Variants in TET3 observed in about 807,000 individuals in gnomAD.
TET3 encodes the protein methylcytosine dioxygenase TET3.
In TET3, 19 loss-of-function variants were observed where a neutral mutation model predicts 141.4. The ratio of observed to expected loss-of-function variants is 0.13; its 90% CI spans 0.09 to 0.20. The LOEUF is 0.20. Ranked by LOEUF, TET3 falls within the 10% of genes least tolerant of loss-of-function variation. The pLI is 1.00. For synonymous variants in TET3, 1,043 were observed against 980.9 expected (o/e 1.06, Z -1.18); for missense variants, 1,874 against 2,356.9 (o/e 0.80, Z 4.24).
chr2:74,016,367 T>C (rs1685728991), intron 3 of TET3, among the ~76,000 whole-genome samples: 1 of 152,004 alleles, frequency 6.6e-6, no homozygotes, highest in Non-Finnish European at 1.5e-5. Context: ...ACTGTGCTGT[T>C]AGGTAGGGAT....
chr2:74,104,558 C>A lies in TET3; in HGVS notation c.*2382C>A, dbSNP rs1691401453. On this transcript the variant is annotated 3_prime_UTR_variant, in exon 12 of 12. Coordinates refer to ENST00000409262, the MANE Select transcript of TET3 (RefSeq NM_001287491.2). ...TTTAAATGATCTTAAGCAAGAAATA[C>A]AATATTTTACGAAACATTTGGAGAA... 2 of 152,158 alleles carry A rather than the reference C, an allele frequency of 1.3e-5. No individual in the cohort carries two copies. Among genetic ancestry groups the A allele is most frequent in the Admixed American group, 1.3e-4 (2 of 15,276 alleles). 9.4% of individuals were successfully genotyped at this position (152,158 alleles called of 1,614,324 possible). A position where few individuals can be genotyped will look rare whatever the true frequency, so the allele number is the denominator to read the frequency against.
intron 4 of TET3, among the ~76,000 whole-genome samples, chr2:74,064,660 A>G (rs1369702469): frequency 6.6e-6 from 1 of 152,082 alleles, no homozygotes; most frequent in Admixed American, 6.5e-5. Context: ...CAGCCTCCCA[A>G]AGTACTGAGA....
intron 10 of TET3, among the ~76,000 whole-genome samples, chr2:74,096,433 C>A (rs568407497): frequency 6.6e-6 from 1 of 152,284 alleles, no homozygotes; most frequent in South Asian, 2.1e-4. Context: ...AATTGAAAGG[C>A]CAATACAAAC....
Position 74,093,705 on chromosome 2 carries a change from A to C in TET3, c.3267+39A>C. Reference sequence around the variant, plus strand: ...CTGTCATAGCCCCACCTGTGGGGCAACTGTGGGAGGGAGTCCACCGTGGTC... The same window carrying C: ...CTGTCATAGCCCCACCTGTGGGGCACCTGTGGGAGGGAGTCCACCGTGGTC... On this transcript the variant is annotated intron_variant, in intron 10 of 11. Transcript: ENST00000409262. The surrounding 1 kb of genome is among the most constrained non-coding windows in gnomAD (Gnocchi z 4.2). 1.3e-6 allele frequency: 2 copies of C among 1,527,850 alleles called. No individual in the cohort carries two copies. The highest frequency in any genetic ancestry group is 2.4e-5 in the East Asian group (1 of 41,250). 94.6% of individuals were successfully genotyped at this position (1,527,850 alleles called of 1,614,324 possible). A position where few individuals can be genotyped will look rare whatever the true frequency, so the allele number is the denominator to read the frequency against.
chr2:73,999,348 A>C (rs1336631303), intron 2 of TET3, among the ~76,000 whole-genome samples: 1 of 152,190 alleles, frequency 6.6e-6, no homozygotes, highest in African/African-American at 2.4e-5. Context: ...AATGGGCACA[A>C]ATATTTCCTG....
At chr2:74,128,454 TG>T in the TET3 span, among the ~76,000 whole-genome samples, 1 of 152,250 alleles carries the variant, frequency 6.6e-6, no homozygotes, top group African/African-American at 2.4e-5. Context: ...TCTGGTTTCA[TG>T]GAGGGGCTAC....
chr2:74,043,032 A>C (rs1687427518), intron 3 of TET3, among the ~76,000 whole-genome samples: 1 of 152,212 alleles, frequency 6.6e-6, no homozygotes, highest in Non-Finnish European at 1.5e-5. Flanking sequence ...ATAACTTTTT[A>C]AATCCCTTTT....
chr2:73,988,214 G>A (rs1028556704), intron 2 of TET3, among the ~76,000 whole-genome samples: 2 of 152,186 alleles, frequency 1.3e-5, no homozygotes, highest in Non-Finnish European at 2.9e-5. Flanking sequence ...GTTATGAAGC[G>A]GGGGAGGCTT....
intron 2 of TET3, among the ~76,000 whole-genome samples, chr2:73,996,669 G>A (rs746427213): frequency 6.6e-6 from 1 of 152,086 alleles, no homozygotes; most frequent in Non-Finnish European, 1.5e-5. Context: ...CACCACACCT[G>A]AATAATTTTT....
chr2:74,048,509 T>G, intron 4 of TET3, 98 bp downstream of exon 4: 1 of 1,282,086 alleles, frequency 7.8e-7, no homozygotes, highest in Non-Finnish European at 1.1e-6. Flanking sequence ...AACATTTATT[T>G]GTGCCAACTG....
intron 2 of TET3, chr2:74,002,774 G>GC: frequency 1.9e-6 from 1 of 540,140 alleles, no homozygotes; most frequent in Non-Finnish European, 3.2e-6. Context: ...AGGCCCGCCG[G>GC]CCGATGCACC....
intron 3 of TET3, among the ~76,000 whole-genome samples, chr2:74,007,910 A>T (rs1370421596): frequency 1.3e-5 from 2 of 152,214 alleles, no homozygotes; most frequent in African/African-American, 2.4e-5. Flanking sequence ...CGTGTGGCTC[A>T]GCACCATCCA....
At chr2:73,993,670 C>T (rs1483115005) in intron 2 of TET3, 1 of 152,172 alleles carries the variant, frequency 6.6e-6, no homozygotes, top group East Asian at 1.9e-4. Flanking sequence ...GCTTGTTCTT[C>T]TGGCATTTGT....
rs747838956 is a variant in TET3, at chr2:74,088,052, G to A, written c.2888+14G>A. 6.4e-7 allele frequency: 1 copy of A among 1,553,308 alleles called. No homozygotes were observed. On this transcript the variant is annotated intron_variant, in intron 7 of 11. Transcript: ENST00000409262. ...CCTCAACGATGAGTATGTAGCAGAG[G>A]GCTTCAGGGCCAGGGCCCACCTATA...
the TET3 span, among the ~76,000 whole-genome samples, chr2:74,132,997 G>C: frequency 1.5e-4 from 23 of 151,582 alleles, no homozygotes; most frequent in African/African-American, 4.9e-4. Flanking sequence ...TCCCAGGTTC[G>C]AGAGATTCTC....
chr2:74,037,232 C>G (rs1320761817), intron 3 of TET3, among the ~76,000 whole-genome samples: 1 of 152,166 alleles, frequency 6.6e-6, no homozygotes, highest in African/African-American at 2.4e-5. Flanking sequence ...TTTCTGCACT[C>G]GCTTATTAGT....
intron 6 of TET3, among the ~76,000 whole-genome samples, chr2:74,084,314 C>T (rs1689993088): frequency 6.6e-6 from 1 of 152,172 alleles, no homozygotes; most frequent in African/African-American, 2.4e-5. Context: ...ACATGAGGTA[C>T]CTAGAACAGT....
chr2:73,986,140 G>A lies in TET3; in HGVS notation c.-264G>A. 1 of 331,428 alleles carries A rather than the reference G, an allele frequency of 3.0e-6. No homozygotes were observed. Among genetic ancestry groups the A allele is most frequent in the African/African-American group, 2.1e-5 (1 of 47,460 alleles). The allele number at this position is 331,428 out of a possible 1,614,324, so 20.5% of individuals were successfully genotyped here. ...ACCGGGCCAAGATGATCCCTTTTCT[G>A]AGGGCTGCTGCTGGTGTCCTCCCCC... On this transcript the variant is annotated 5_prime_UTR_variant, in exon 2 of 12. Coordinates refer to ENST00000409262, the MANE Select transcript of TET3 (RefSeq NM_001287491.2).
At chr2:74,128,090 T>C in the TET3 span, among the ~76,000 whole-genome samples, 1 of 152,218 alleles carries the variant, frequency 6.6e-6, no homozygotes, top group Non-Finnish European at 1.5e-5. Flanking sequence ...ACCTTGTTTG[T>C]AAATCTACCA....
Sources: allele counts gnomAD v4.1 joint callset (sites outside exome capture counted in the v4.1 genomes callset), GRCh38; gene constraint gnomAD v4.1.1; non-coding constraint Gnocchi (gnomAD v3.1); transcripts MANE v1.5; gene names NCBI Gene and HGNC (gene_info 2026-07-23, HGNC 2026-07-21).